MACF1: variants seen among roughly 807,000 people sequenced by gnomAD.
The protein encoded by MACF1 is microtubule actin crosslinking factor 1, also known as microtubule-actin cross-linking factor 1.
A neutral mutation model predicts 854.8 loss-of-function variants in MACF1; 193 were observed. That is an observed-to-expected ratio of 0.23 (90% CI 0.20 to 0.25). MACF1 has a LOEUF of 0.25. Ranked by LOEUF, MACF1 falls within the 10% of genes least tolerant of loss-of-function variation. The pLI is 1.00. For missense variants in MACF1, 7,722 were observed against 8,929.1 expected (o/e 0.86, Z 5.45); for synonymous variants, 3,185 against 3,226.7 (o/e 0.99, Z 0.44).
At chr1:39,295,424 A>AT (rs2148405197) in intron 19 of MACF1, among the ~76,000 whole-genome samples, 1 of 152,348 alleles carries the variant, frequency 6.6e-6, no homozygotes, top group Admixed American at 6.5e-5. Flanking sequence ...ATTTCTTCAA[A>AT]TAACTATCCA....
chr1:39,393,750 A>G (rs1051138047), intron 58 of MACF1, among the ~76,000 whole-genome samples: 1 of 151,596 alleles, frequency 6.6e-6, no homozygotes, highest in African/African-American at 2.4e-5. Context: ...TTGACGCTGC[A>G]GTGAGCTGCG....
chr1:39,231,234 C>G lies in MACF1; in HGVS notation c.162C>G (p.His54Gln), dbSNP rs1428098857. Residue 54 changes from histidine (H) to glutamine (Q), a missense_variant, in exon 2 of 101, where the codon CAC (histidine) becomes CAG (glutamine). This residue lies in a region of MACF1 where 82 missense variants were observed against 84.0 expected (regional missense o/e 0.98). Transcript: ENST00000564288. Reference protein sequence around the residue: ...KKTFTKWVNKHLMKVRKHIND... With the variant: ...KKTFTKWVNKQLMKVRKHIND... ...CGTTCACCAAGTGGGTCAACAAGCACTTAATGAAGGTAGGACCCTTTCATA... is the reference window on the plus strand; with the variant it reads ...CGTTCACCAAGTGGGTCAACAAGCAGTTAATGAAGGTAGGACCCTTTCATA... 1 of 1,614,194 alleles carries G rather than the reference C, an allele frequency of 6.2e-7. No individual in the cohort carries two copies.
chr1:39,333,835 G>T lies in MACF1; in HGVS notation c.7247G>T (p.Arg2416Leu), dbSNP rs370362209. The change falls in exon 37 of 101, where the codon CGA becomes CTA. Residue 2416 changes from arginine (R) to leucine (L), a missense_variant. Around this residue, in one of 15 missense-constraint regions of MACF1, gnomAD observed 1,531 missense variants for 1,601.6 expected, o/e 0.96. Transcript: ENST00000564288. ...VVTGGIIDLK[R>L]GKKVSVTLAS... Reference sequence around the variant, plus strand: ...ACTGGTGGAATTATTGATCTGAAACGAGGCAAAAAAGTTTCAGTAACTTTG... The same window carrying T: ...ACTGGTGGAATTATTGATCTGAAACTAGGCAAAAAAGTTTCAGTAACTTTG... 6.2e-7 allele frequency: 1 copy of T among 1,614,148 alleles called. No homozygotes were observed. The highest frequency in any genetic ancestry group is 8.5e-7 in the Non-Finnish European group (1 of 1,180,014).
intron 2 of MACF1, among the ~76,000 whole-genome samples, chr1:39,237,234 T>C (rs1365838791): frequency 1.3e-5 from 2 of 152,208 alleles, no homozygotes; most frequent in African/African-American, 4.8e-5. Flanking sequence ...CTTCACCTTC[T>C]AGGCCCAGCT....
Position 39,404,082 on chromosome 1 carries a change from C to T in MACF1, c.15816+15424C>T, listed in dbSNP as rs924706338. Reference sequence around the variant, plus strand: ...AGGCAGAGGTTGCAATGAGCGAGATCGTGCCACTGCATTCCAGCCTGGCAA... The same window carrying T: ...AGGCAGAGGTTGCAATGAGCGAGATTGTGCCACTGCATTCCAGCCTGGCAA... On this transcript the variant is annotated intron_variant, in intron 58 of 100. Transcript: ENST00000564288. Among the ~76,000 whole-genome samples, 11 of 151,340 alleles carry T rather than the reference C, an allele frequency of 7.3e-5. No homozygotes were observed. The East Asian group carries it at 2.1e-3, about 29-fold the overall frequency.
intron 40 of MACF1, among the ~76,000 whole-genome samples, chr1:39,345,803 C>CA (rs1647032794): frequency 6.6e-6 from 1 of 152,184 alleles, no homozygotes; most frequent in Admixed American, 6.5e-5. Context: ...GCGTGTGGCT[C>CA]ACGCCTGTAA....
chr1:39,184,501 C>G (rs909416194), intron 2 of MACF1, among the ~76,000 whole-genome samples: 1 of 152,094 alleles, frequency 6.6e-6, no homozygotes, highest in Non-Finnish European at 1.5e-5. Flanking sequence ...GATCTTTGCT[C>G]AAAGCCCAGT....
At chr1:39,190,406 T>G (rs997420475) in intron 2 of MACF1, among the ~76,000 whole-genome samples, 22 of 128,316 alleles carry the variant, frequency 1.7e-4, no homozygotes, top group African/African-American at 4.5e-4. Context: ...TTTTTGTTTT[T>G]TTTTTTTTTT....
intron 49 of MACF1, 124 bp downstream of exon 49, chr1:39,361,801 A>G (rs567350766): frequency 5.7e-6 from 5 of 884,808 alleles, no homozygotes; most frequent in Admixed American, 4.9e-5. Flanking sequence ...ATCTTTGGGA[A>G]TTATTACAGT....
chr1:39,293,393 A>G, intron 17 of MACF1, 65 bp from the exon 18 acceptor site: 2 of 1,346,918 alleles, frequency 1.5e-6, no homozygotes, highest in Non-Finnish European at 2.0e-6. Flanking sequence ...CTTTGATGTC[A>G]AATGTGCTAT....
intron 2 of MACF1, among the ~76,000 whole-genome samples, chr1:39,197,503 A>G (rs1169772570): frequency 2.0e-5 from 3 of 152,210 alleles, no homozygotes; most frequent in Non-Finnish European, 4.4e-5. Flanking sequence ...AAGCTCCTAT[A>G]ACAGCTTTAT....
intron 2 of MACF1, among the ~76,000 whole-genome samples, chr1:39,091,467 C>A (rs915114780): frequency 3.3e-5 from 5 of 152,078 alleles, no homozygotes; most frequent in African/African-American, 4.8e-5. Flanking sequence ...GAGTAGGATG[C>A]TTGGCCCAGT....
intron 1 of MACF1, among the ~76,000 whole-genome samples, chr1:39,213,012 G>T (rs998089854): frequency 7.2e-5 from 11 of 152,166 alleles, no homozygotes; most frequent in Admixed American, 6.5e-4. Flanking sequence ...TGTTTATTCT[G>T]GTTTAGGTCC....
intron 58 of MACF1, among the ~76,000 whole-genome samples, chr1:39,397,598 A>T (rs1364794987): frequency 6.6e-6 from 1 of 151,906 alleles, no homozygotes; most frequent in Non-Finnish European, 1.5e-5. Context: ...ATCATAGCTC[A>T]GCTTAGCCTA....
chr1:39,258,891 G>A (rs61782155), intron 6 of MACF1, among the ~76,000 whole-genome samples: 7 of 152,182 alleles, frequency 4.6e-5, no homozygotes, highest in Non-Finnish European at 1.0e-4. Context: ...AGAAAAATCT[G>A]AGTGCTTAGG....
At chr1:39,275,409 A>G (rs551789718) in intron 6 of MACF1, among the ~76,000 whole-genome samples, 11 of 151,414 alleles carry the variant, frequency 7.3e-5, no homozygotes, top group East Asian at 3.9e-4. Context: ...GGTCTCAGCT[A>G]TGTTGCCCAG....
In MACF1 at chr1:39,460,925, C is replaced by A; in HGVS notation, c.21523+131C>A. 1 of 1,026,576 alleles carries A rather than the reference C, an allele frequency of 9.7e-7. No individual in the cohort carries two copies. The highest frequency in any genetic ancestry group is 1.6e-5 in the African/African-American group (1 of 62,858). 63.6% of individuals were successfully genotyped at this position (1,026,576 alleles called of 1,614,324 possible). A position where few individuals can be genotyped will look rare whatever the true frequency, so the allele number is the denominator to read the frequency against. ...TTGGCTCACACCTGTAATTCCAGCACTTTGGGAGGCAGGTGGCAAAGGCAT... is the reference window on the plus strand; with the variant it reads ...TTGGCTCACACCTGTAATTCCAGCAATTTGGGAGGCAGGTGGCAAAGGCAT... On this transcript the variant is annotated intron_variant, in intron 92 of 100. Coordinates refer to ENST00000564288, the MANE Select transcript of MACF1 (RefSeq NM_001394062.1). This position sits in a 1 kb window ranked among gnomAD's most constrained non-coding sequence, Gnocchi z 4.1.
In MACF1 at chr1:39,386,300, A is replaced by C. The variant is rs1395534025; in HGVS notation, c.14344+371A>C. On this transcript the variant is annotated intron_variant, in intron 57 of 100. Transcript: ENST00000564288. Reference sequence around the variant, plus strand: ...CACACACACACGGTCTCGCTCTGTCACCCAGGCTGGAGTACAGTAGTGCGA... The same window carrying C: ...CACACACACACGGTCTCGCTCTGTCCCCCAGGCTGGAGTACAGTAGTGCGA... 1.3e-5 allele frequency among the ~76,000 whole-genome samples: 2 copies of C among 148,644 alleles called. 1 individual carries two copies. Among genetic ancestry groups the C allele is most frequent in the Admixed American group, 1.4e-4 (2 of 14,792 alleles).
intron 6 of MACF1, among the ~76,000 whole-genome samples, chr1:39,270,764 C>T (rs1645300603): frequency 6.6e-6 from 1 of 151,912 alleles, no homozygotes. Flanking sequence ...TGATACTGTA[C>T]AGGGGCCCTG....
Sources: gnomAD v4.1 joint callset for allele counts (sites outside exome capture counted in the v4.1 genomes callset) on GRCh38, gnomAD v4.1.1 for gene constraint, gnomAD v4.1.1 regional missense constraint, Gnocchi (gnomAD v3.1) non-coding constraint, MANE v1.5 for transcripts, NCBI Gene and HGNC (gene_info 2026-07-23, HGNC 2026-07-21) for gene names.